SEL1L2: variants seen among roughly 807,000 people sequenced by gnomAD.
The protein encoded by SEL1L2 is protein sel-1 homolog 2.
SEL1L2 carries 89 observed loss-of-function variants against 98.8 expected under a neutral mutation model. The ratio of observed to expected loss-of-function variants is 0.90; its 90% CI spans 0.76 to 1.07. The LOEUF is 1.07. Among genes scored for constraint, SEL1L2 ranks in the 50% least tolerant of loss-of-function variants. The pLI is 0.00. For missense variants in SEL1L2, 788 were observed against 812.0 expected (o/e 0.97, Z 0.36); for synonymous variants, 262 against 278.5 (o/e 0.94, Z 0.59).
chr20:13,979,209 C>A (rs1327550217), intron 1 of SEL1L2, among the ~76,000 whole-genome samples: 1 of 152,052 alleles, frequency 6.6e-6, no homozygotes, highest in Admixed American at 6.6e-5. Context: ...AAGAATTGAG[C>A]TCATATAAGT....
intron 3 of SEL1L2, among the ~76,000 whole-genome samples, chr20:13,921,275 T>A (rs2048656107): frequency 6.6e-6 from 1 of 152,176 alleles, no homozygotes; most frequent in South Asian, 2.1e-4. Flanking sequence ...TGGGTTCAAG[T>A]GATTCTCATG....
chr20:13,975,458 C>G (rs550877923), intron 1 of SEL1L2, among the ~76,000 whole-genome samples: 1 of 152,290 alleles, frequency 6.6e-6, no homozygotes, highest in East Asian at 1.9e-4. Flanking sequence ...CTTAAAATAA[C>G]AGAGGTAATA....
At chr20:13,947,643 AGAG>A (rs2050080508) in intron 2 of SEL1L2, among the ~76,000 whole-genome samples, 1 of 152,242 alleles carries the variant, frequency 6.6e-6, no homozygotes, top group Admixed American at 6.5e-5. Context: ...AATGAGAAGA[AGAG>A]AAGAGCTGTA....
At chr20:13,965,876 C>T (rs1049369564) in intron 1 of SEL1L2, among the ~76,000 whole-genome samples, 1 of 150,156 alleles carries the variant, frequency 6.7e-6, no homozygotes, top group African/African-American at 2.5e-5. Flanking sequence ...TCGCTTGAAC[C>T]TGGGAGGCGG....
At chr20:13,861,385 A>T (rs1290003522) in intron 17 of SEL1L2, among the ~76,000 whole-genome samples, 1 of 151,764 alleles carries the variant, frequency 6.6e-6, no homozygotes, top group Non-Finnish European at 1.5e-5. Context: ...GGCTCAAGCG[A>T]TCCTCCCAAT....
At chr20:13,896,067 C>A (rs116093666) in intron 5 of SEL1L2, among the ~76,000 whole-genome samples, 1 of 152,060 alleles carries the variant, frequency 6.6e-6, no homozygotes, top group Admixed American at 6.5e-5. Context: ...TCCAGTTATG[C>A]GGGAGGATGA....
In SEL1L2 at chr20:13,919,104, T is replaced by C. The variant is rs768121054; in HGVS notation, c.303A>G (p.Lys101=). 42 of 1,611,574 alleles carry C rather than the reference T, an allele frequency of 2.6e-5. No homozygotes were observed. Among genetic ancestry groups the C allele is most frequent in the Non-Finnish European group, 3.1e-5 (37 of 1,178,170 alleles). ...NKNHLQKQAE[K]NFTDEGDQLF... ...GCTGGTCTCCTTCATCTGTAAAATT[T>C]TTCTCTGCTTGCTTTTGTACTATAC... Residue 101 remains lysine, a synonymous_variant, in exon 4 of 20, where the codon AAA becomes AAG. Coordinates refer to ENST00000284951, the MANE Select transcript of SEL1L2 (RefSeq NM_025229.2).
intron 14 of SEL1L2, among the ~76,000 whole-genome samples, chr20:13,868,606 C>CTTTTT (rs1259507156): frequency 7.2e-6 from 1 of 138,596 alleles, no homozygotes; most frequent in African/African-American, 2.7e-5. Context: ...TTCTTTCTTA[C>CTTTTT]TTTTTTTTTT....
At chr20:13,849,634 A>T (rs756112874) in intron 19 of SEL1L2, 30 bp from the exon 20 acceptor site, 1 of 1,609,820 alleles carries the variant, frequency 6.2e-7, no homozygotes, top group African/African-American at 1.3e-5. Context: ...TCTCAAAAAC[A>T]ATCCAAGCTT....
intron 1 of SEL1L2, among the ~76,000 whole-genome samples, chr20:13,965,253 T>C (rs2050986088): frequency 6.6e-6 from 1 of 152,208 alleles, no homozygotes; most frequent in African/African-American, 2.4e-5. Flanking sequence ...TCATTCAGGC[T>C]GACAGAGGTG....
intron 5 of SEL1L2, among the ~76,000 whole-genome samples, chr20:13,907,700 C>CTTTCTCTTTCTTTCTTTCTT (rs1328913961): frequency 9.5e-5 from 12 of 125,656 alleles, no homozygotes; most frequent in African/African-American, 3.4e-4. Context: ...TTCTTTCTTT[C>CTTTCTCTTTCTTTCTTTCTT]TCTTTCTTTC....
intron 1 of SEL1L2, among the ~76,000 whole-genome samples, chr20:13,962,600 T>G (rs1827229514): frequency 6.6e-6 from 1 of 152,204 alleles, no homozygotes; most frequent in Non-Finnish European, 1.5e-5. Flanking sequence ...TTGAACTCAC[T>G]AAGTTTTGGG....
chr20:13,905,793 G>A (rs919881956), intron 5 of SEL1L2, among the ~76,000 whole-genome samples: 11 of 151,548 alleles, frequency 7.3e-5, no homozygotes, highest in African/African-American at 2.7e-4. Context: ...TAATAGTGAT[G>A]ATACCAATGA....
intron 12 of SEL1L2, among the ~76,000 whole-genome samples, chr20:13,872,887 C>A (rs1251672528): frequency 6.6e-6 from 1 of 152,166 alleles, no homozygotes; most frequent in Non-Finnish European, 1.5e-5. Context: ...CGTGGAGTCC[C>A]TGCCCTGTGT....
intron 4 of SEL1L2, chr20:13,915,350 T>A: frequency 1.2e-6 from 1 of 852,828 alleles, no homozygotes; most frequent in Non-Finnish European, 1.6e-6. Flanking sequence ...CAGCTGAAAT[T>A]CTGGAGGCGG....
intron 5 of SEL1L2, among the ~76,000 whole-genome samples, chr20:13,888,798 C>T (rs2047074789): frequency 8.7e-6 from 1 of 115,502 alleles, no homozygotes; most frequent in African/African-American, 3.6e-5. Flanking sequence ...GCCACCACGC[C>T]CCGCTATTTT....
intron 5 of SEL1L2, among the ~76,000 whole-genome samples, chr20:13,889,313 C>A (rs1004178966): frequency 2.6e-5 from 4 of 151,774 alleles, no homozygotes; most frequent in Non-Finnish European, 2.9e-5. Flanking sequence ...TATACTATAA[C>A]AGCACCCTTT....
intron 10 of SEL1L2, among the ~76,000 whole-genome samples, chr20:13,879,455 G>A (rs142963501): frequency 0.033 from 5,042 of 152,046 alleles, 108 homozygotes; most frequent in African/African-American, 0.05. Flanking sequence ...GGGTTCAAGC[G>A]ATTCTCCTGC....
intron 5 of SEL1L2, among the ~76,000 whole-genome samples, chr20:13,892,324 C>T (rs2047238758): frequency 6.6e-6 from 1 of 151,978 alleles, no homozygotes; most frequent in East Asian, 1.9e-4. Flanking sequence ...ATGGCAGGCA[C>T]CTGTAATCCC....
Sources: allele counts gnomAD v4.1 joint callset (sites outside exome capture counted in the v4.1 genomes callset), GRCh38; gene constraint gnomAD v4.1.1; transcripts MANE v1.5; gene names NCBI Gene and HGNC (gene_info 2026-07-23, HGNC 2026-07-21).